Variants in LNX1 observed in about 807,000 individuals in gnomAD.
LNX1 encodes ligand of numb-protein X 1, also known as E3 ubiquitin-protein ligase LNX.
Under a neutral mutation model 68.4 loss-of-function variants are expected in LNX1, and 54 were observed. That is an observed-to-expected ratio of 0.79 (90% CI 0.63 to 0.99). The LOEUF is 0.99. Ranked by LOEUF, LNX1 falls within the 50% of genes least tolerant of loss-of-function variation. The pLI is 0.00. For missense variants in LNX1, 906 were observed against 926.4 expected (o/e 0.98, Z 0.29); for synonymous variants, 336 against 350.0 (o/e 0.96, Z 0.45).
intron 2 of LNX1, among the ~76,000 whole-genome samples, chr4:53,515,742 G>A (rs536816845): frequency 1.3e-5 from 2 of 152,262 alleles, no homozygotes; most frequent in Admixed American, 1.3e-4. Context: ...ACTCATGGGA[G>A]GGTCTTCTAA....
chr4:53,614,980 A>ATCTG (rs10683892), intron 2 of LNX1, among the ~76,000 whole-genome samples: 111,370 of 151,646 alleles, frequency 0.73, 41,195 homozygotes, highest in East Asian at 0.9. Flanking sequence ...AAATTTGTTC[A>ATCTG]TCTTTGAACA....
chr4:53,497,199 A>G (rs1277249063), intron 5 of LNX1, among the ~76,000 whole-genome samples: 1 of 152,158 alleles, frequency 6.6e-6, no homozygotes, highest in Non-Finnish European at 1.5e-5. Flanking sequence ...CTGATACTGC[A>G]TGGGGCTTTC....
intron 2 of LNX1, among the ~76,000 whole-genome samples, chr4:53,569,259 A>G (rs1730954025): frequency 6.6e-6 from 1 of 150,882 alleles, no homozygotes; most frequent in South Asian, 2.1e-4. Context: ...CTGACTTCAA[A>G]CTATACTACA....
At chr4:53,632,496 A>T (rs1734317155) in intron 1 of LNX1, among the ~76,000 whole-genome samples, 1 of 152,338 alleles carries the variant, frequency 6.6e-6, no homozygotes. Flanking sequence ...TGATCGACTG[A>T]CTAGGGTACA....
intron 4 of LNX1, among the ~76,000 whole-genome samples, chr4:53,506,816 G>A (rs537820530): frequency 4.6e-5 from 6 of 129,944 alleles, no homozygotes; most frequent in Admixed American, 2.8e-4. Context: ...AGATCATGCC[G>A]CCGTTGCACT....
chr4:53,615,777 G>A (rs760777739), intron 2 of LNX1, among the ~76,000 whole-genome samples: 2 of 151,978 alleles, frequency 1.3e-5, no homozygotes, highest in Admixed American at 6.5e-5. Context: ...AATTTTTAGT[G>A]GGCATATAGT....
intron 6 of LNX1, among the ~76,000 whole-genome samples, chr4:53,492,506 TGAGAGAGA>T (rs58715153): frequency 2.4e-4 from 21 of 88,998 alleles, no homozygotes; most frequent in Admixed American, 7.5e-4. Context: ...CAGAGGGCTC[TGAGAGAGA>T]GAGAGAGAGA....
intron 2 of LNX1, among the ~76,000 whole-genome samples, chr4:53,548,818 G>C (rs1005069951): frequency 7.9e-5 from 12 of 152,266 alleles, no homozygotes; most frequent in African/African-American, 2.9e-4. Context: ...ATGTGGTATA[G>C]ATATACCATG....
chr4:53,514,240 C>A lies in LNX1; in HGVS notation c.381-6013G>T, dbSNP rs1224828678. Among the ~76,000 whole-genome samples, 4 of 152,186 alleles carry A rather than the reference C, an allele frequency of 2.6e-5. No individual in the cohort carries two copies. The East Asian group carries it at 7.7e-4, about 29-fold the overall frequency. ...ATTGTTTTATCTCCAGTGCCAAAGA[C>A]AATGACTGGCATATAGAAGGTGCTC... On this transcript the variant is annotated intron_variant, in intron 2 of 10. Coordinates refer to ENST00000263925, the MANE Select transcript of LNX1 (RefSeq NM_001126328.3).
At chr4:53,611,134 A>G (rs1376479283) in intron 2 of LNX1, among the ~76,000 whole-genome samples, 1 of 152,170 alleles carries the variant, frequency 6.6e-6, no homozygotes, top group African/African-American at 2.4e-5. Flanking sequence ...TCTAGAATTA[A>G]GAATAGAATT....
intron 6 of LNX1, among the ~76,000 whole-genome samples, chr4:53,485,732 G>A (rs777517324): frequency 5.3e-5 from 8 of 152,190 alleles, no homozygotes; most frequent in Non-Finnish European, 1.2e-4. Context: ...ATTCAATGCA[G>A]AGAAACATCC....
chr4:53,614,524 G>T (rs1231379713), intron 2 of LNX1, among the ~76,000 whole-genome samples: 2 of 152,146 alleles, frequency 1.3e-5, no homozygotes, highest in South Asian at 4.1e-4. Flanking sequence ...GGGGTGTCAG[G>T]TTCCTCTGCA....
intron 2 of LNX1, among the ~76,000 whole-genome samples, chr4:53,542,880 G>A (rs1464980162): frequency 2.0e-5 from 3 of 152,192 alleles, no homozygotes; most frequent in South Asian, 2.1e-4. Flanking sequence ...GGGAAAGCAA[G>A]TGGAAGTAGA....
intron 2 of LNX1, among the ~76,000 whole-genome samples, chr4:53,613,778 T>C (rs945085470): frequency 1.3e-5 from 2 of 152,224 alleles, no homozygotes; most frequent in African/African-American, 4.8e-5. Flanking sequence ...TATGGGTGTA[T>C]GTGTCTTTAT....
chr4:53,471,205 A>T (rs1723151540), intron 9 of LNX1, among the ~76,000 whole-genome samples: 1 of 151,876 alleles, frequency 6.6e-6, no homozygotes, highest in South Asian at 2.1e-4. Context: ...CAACCATCTG[A>T]TCTTTGACAA....
At chr4:53,639,702 C>T (rs530000259) in intron 1 of LNX1, among the ~76,000 whole-genome samples, 1 of 152,224 alleles carries the variant, frequency 6.6e-6, no homozygotes, top group African/African-American at 2.4e-5. Context: ...CTCATGACTG[C>T]AAACACAGTG....
At chr4:53,640,969 C>A (rs564734900) in intron 1 of LNX1, among the ~76,000 whole-genome samples, 1 of 152,198 alleles carries the variant, frequency 6.6e-6, no homozygotes, top group African/African-American at 2.4e-5. Context: ...GGGGCTGAGG[C>A]CTGGCCGTTG....
chr4:53,565,935 G>A (rs1223625809), intron 2 of LNX1, among the ~76,000 whole-genome samples: 2 of 152,120 alleles, frequency 1.3e-5, no homozygotes, highest in African/African-American at 4.8e-5. Flanking sequence ...AAGCGAGAAG[G>A]AAAGTTTAGA....
intron 2 of LNX1, among the ~76,000 whole-genome samples, chr4:53,608,049 AGGGTAT>A (rs1383037903): frequency 3.3e-5 from 5 of 152,190 alleles, no homozygotes; most frequent in Admixed American, 2.6e-4. Context: ...TTCTGGACAC[AGGGTAT>A]GGCAAAGATT....
Sources: allele counts gnomAD v4.1 joint callset (sites outside exome capture counted in the v4.1 genomes callset), GRCh38; gene constraint gnomAD v4.1.1; transcripts MANE v1.5; gene names NCBI Gene and HGNC (gene_info 2026-07-23, HGNC 2026-07-21).